Variants in CCSER1 observed in about 807,000 individuals in gnomAD.
CCSER1 encodes coiled-coil serine rich protein 1, also known as serine-rich coiled-coil domain-containing protein 1.
CCSER1 carries 41 observed loss-of-function variants against 82.0 expected under a neutral mutation model. That is an observed-to-expected ratio of 0.50 (90% confidence interval 0.39 to 0.65). CCSER1 has a LOEUF of 0.65. CCSER1 is among the 30% of genes least tolerant of loss of function. The probability of loss-of-function intolerance (pLI) is 0.00; values close to 1 mark genes in which losing one functional copy is unlikely to be tolerated. For synonymous variants in CCSER1, 414 were observed against 383.9 expected, an observed-to-expected ratio of 1.08 and a Z score of -0.92; for missense variants, 1,119 against 1,064.2, an observed-to-expected ratio of 1.05 and a Z score of -0.72.
intron 10 of CCSER1, among the ~76,000 whole-genome samples, chr4:91,171,696 A>G (rs1368119845): frequency 2.0e-5 from 3 of 152,064 alleles, no homozygotes; most frequent in African/African-American, 7.2e-5. Context: ...TTTTTTACCT[A>G]AATTGTGTAT....
intron 10 of CCSER1, among the ~76,000 whole-genome samples, chr4:91,532,727 G>A (rs966074886): frequency 6.6e-6 from 1 of 151,962 alleles, no homozygotes; most frequent in Non-Finnish European, 1.5e-5. Flanking sequence ...AATTAGATGG[G>A]TGTGGTGGCA....
intron 9 of CCSER1, among the ~76,000 whole-genome samples, chr4:91,066,543 T>C (rs941730603): frequency 9.9e-5 from 15 of 152,166 alleles, no homozygotes; most frequent in East Asian, 1.9e-4. Context: ...AACCAGAGAA[T>C]AGTGAAAAAA....
chr4:91,481,612 A>G (rs1051635731), intron 10 of CCSER1, among the ~76,000 whole-genome samples: 1 of 152,220 alleles, frequency 6.6e-6, no homozygotes, highest in Non-Finnish European at 1.5e-5. Context: ...GCTATTCCAC[A>G]AAATAAGATT....
At chr4:90,512,557 A>G (rs1215831204) in intron 5 of CCSER1, among the ~76,000 whole-genome samples, 1 of 152,230 alleles carries the variant, frequency 6.6e-6, no homozygotes, top group African/African-American at 2.4e-5. Context: ...TTATGTCTGT[A>G]AGATGGATAA....
chr4:91,211,327 G>A (rs1014355928), intron 10 of CCSER1, among the ~76,000 whole-genome samples: 3 of 152,020 alleles, frequency 2.0e-5, no homozygotes, highest in South Asian at 2.1e-4. Context: ...GCTGGATGTC[G>A]AGTGTGTAGG....
At chr4:90,962,206 C>G (rs961832745) in intron 9 of CCSER1, among the ~76,000 whole-genome samples, 3 of 151,946 alleles carry the variant, frequency 2.0e-5, no homozygotes, top group African/African-American at 7.2e-5. Flanking sequence ...CCATTCACAT[C>G]TCCTCAAACA....
intron 10 of CCSER1, among the ~76,000 whole-genome samples, chr4:91,121,283 G>T (rs11937983): frequency 0.36 from 54,543 of 151,354 alleles, 10,061 homozygotes; most frequent in East Asian, 0.46. Flanking sequence ...AAATAATAAT[G>T]AAAAATGATT....
chr4:91,053,680 C>T (rs1029817820), intron 9 of CCSER1, among the ~76,000 whole-genome samples: 2 of 152,164 alleles, frequency 1.3e-5, no homozygotes, highest in African/African-American at 4.8e-5. Context: ...AATCACTGTC[C>T]GGATTCCTGG....
intron 6 of CCSER1, among the ~76,000 whole-genome samples, chr4:90,671,383 C>T (rs35292262): frequency 0.46 from 69,793 of 151,780 alleles, 16,430 homozygotes; most frequent in Middle Eastern, 0.59. Flanking sequence ...TGTCATATTC[C>T]AAAACTTTTC....
intron 3 of CCSER1, among the ~76,000 whole-genome samples, chr4:90,315,126 AAGCGTG>A (rs1307042416): frequency 6.6e-6 from 1 of 152,128 alleles, no homozygotes; most frequent in Non-Finnish European, 1.5e-5. Flanking sequence ...CTGGGATTAC[AAGCGTG>A]AGCCACCACG....
At chr4:90,262,586 A>G (rs1724532300) in intron 1 of CCSER1, among the ~76,000 whole-genome samples, 1 of 152,208 alleles carries the variant, frequency 6.6e-6, no homozygotes, top group Non-Finnish European at 1.5e-5. Context: ...ATCTCCGGGT[A>G]GGAATCAGTT....
intron 1 of CCSER1, among the ~76,000 whole-genome samples, chr4:90,173,911 G>T (rs910038080): frequency 7.2e-5 from 11 of 151,874 alleles, no homozygotes; most frequent in African/African-American, 2.7e-4. Context: ...CCATGGAGAT[G>T]ACTTAGTTTA....
rs76346738 is a variant in CCSER1, at chr4:90,765,990, G to T, written c.2010+41999G>T. Among the ~76,000 whole-genome samples, 1,040 of 152,126 alleles carry T rather than the reference G, an allele frequency of 6.8e-3. 11 individuals carry two copies. The highest frequency in any genetic ancestry group is 0.024 in the African/African-American group (1,008 of 41,488). On this transcript the variant is annotated intron_variant, in intron 7 of 10. Coordinates refer to ENST00000509176, the MANE Select transcript of CCSER1 (RefSeq NM_001145065.2). ...AGCTGTATGGGTTCCTCTGAGGGTT[G>T]GTGGTTGACACCAAAGAGGTTAGCA...
intron 10 of CCSER1, among the ~76,000 whole-genome samples, chr4:91,247,533 A>C (rs988489517): frequency 2.0e-5 from 3 of 152,136 alleles, no homozygotes; most frequent in Admixed American, 2.0e-4. Flanking sequence ...ACTAACAAGC[A>C]CACTAGAGCT....
chr4:90,389,097 G>T (rs1193937990), intron 3 of CCSER1, among the ~76,000 whole-genome samples: 5 of 152,082 alleles, frequency 3.3e-5, no homozygotes, highest in Non-Finnish European at 1.5e-5. Context: ...TAACAAGAAG[G>T]TCTTAATTTT....
chr4:91,514,791 C>G (rs1760014025), intron 10 of CCSER1, among the ~76,000 whole-genome samples: 1 of 152,124 alleles, frequency 6.6e-6, no homozygotes, highest in Admixed American at 6.6e-5. Flanking sequence ...TAGTTCCAGT[C>G]TGAAAGACAG....
intron 10 of CCSER1, among the ~76,000 whole-genome samples, chr4:91,253,908 A>T (rs1204789139): frequency 2.0e-5 from 3 of 152,088 alleles, no homozygotes; most frequent in African/African-American, 7.2e-5. Flanking sequence ...ATGAGAACTC[A>T]CTATCACGAG....
chr4:90,389,339 G>C (rs557148665), intron 3 of CCSER1, among the ~76,000 whole-genome samples: 2 of 152,252 alleles, frequency 1.3e-5, no homozygotes, highest in African/African-American at 4.8e-5. Flanking sequence ...AGCAAGTATA[G>C]GGCTATATAG....
chr4:91,179,573 C>A (rs898899482), intron 10 of CCSER1, among the ~76,000 whole-genome samples: 5 of 152,210 alleles, frequency 3.3e-5, no homozygotes, highest in Non-Finnish European at 7.3e-5. Context: ...CATTGATACA[C>A]TTTCTTCCAC....
Sources: gnomAD v4.1 joint callset for allele counts (sites outside exome capture counted in the v4.1 genomes callset) on GRCh38, gnomAD v4.1.1 for gene constraint, MANE v1.5 for transcripts, NCBI Gene and HGNC (gene_info 2026-07-23, HGNC 2026-07-21) for gene names.